The following TRARG1 variants were observed in gnomAD, a reference collection of about 807,000 sequenced individuals.
TRARG1 encodes the protein trafficking regulator of GLUT4 (SLC2A4) 1 (gene/pseudogene), also known as trafficking regulator of GLUT4 1.
In TRARG1, 16 loss-of-function variants were observed where a neutral mutation model predicts 13.3. The observed-to-expected ratio is 1.20, with a 90% CI of 0.81 to 1.83. The LOEUF is 1.83. Ranked by LOEUF, TRARG1 falls within the 40% of genes most tolerant of loss-of-function variation. The pLI, the probability that TRARG1 is intolerant of heterozygous loss-of-function variation, is 0.00. For synonymous variants in TRARG1, 113 were observed against 106.2 expected (o/e 1.06, Z -0.39); for missense variants, 250 against 237.4 (o/e 1.05, Z -0.35).
At chr17:1,292,791 C>A (rs926094310) in intron 1 of TRARG1, among the ~76,000 whole-genome samples, 2 of 152,186 alleles carry the variant, frequency 1.3e-5, no homozygotes, top group Non-Finnish European at 2.9e-5. Context: ...ATGCCACCCA[C>A]CACAGTTGCA....
chr17:1,291,449 G>A (rs998282833), intron 1 of TRARG1, among the ~76,000 whole-genome samples: 16 of 152,184 alleles, frequency 1.1e-4, no homozygotes, highest in Non-Finnish European at 1.6e-4. Context: ...GTTTTGTTCG[G>A]CACTTTTCCT....
At chr17:1,295,650 G>T (rs747473862) in intron 2 of TRARG1, 27 bp downstream of exon 2, 1 of 1,598,502 alleles carries the variant, frequency 6.3e-7, no homozygotes. Flanking sequence ...TGGAGAGGAG[G>T]AAGCCAGCTT....
chr17:1,295,057 A>G (rs965617545), intron 1 of TRARG1, among the ~76,000 whole-genome samples: 1 of 152,132 alleles, frequency 6.6e-6, no homozygotes, highest in Non-Finnish European at 1.5e-5. Flanking sequence ...GTCAGGCTGT[A>G]GGAAGAGCCC....
At chr17:1,284,463 G>A (rs1055258061) in intron 1 of TRARG1, among the ~76,000 whole-genome samples, 1 of 152,170 alleles carries the variant, frequency 6.6e-6, no homozygotes, top group African/African-American at 2.4e-5. Flanking sequence ...TGAGGCTGGC[G>A]TTCAGCAGAG....
At chr17:1,298,063 C>G (rs1271117585) in intron 2 of TRARG1, among the ~76,000 whole-genome samples, 188 bp from the exon 3 acceptor site, 1 of 152,184 alleles carries the variant, frequency 6.6e-6, no homozygotes, top group African/African-American at 2.4e-5. Context: ...AGGCCACAGT[C>G]CTCTTACTGG....
intron 2 of TRARG1, among the ~76,000 whole-genome samples, chr17:1,296,182 T>A (rs2072109219): frequency 6.6e-6 from 1 of 152,210 alleles, no homozygotes; most frequent in South Asian, 2.1e-4. Context: ...GGAAACATTT[T>A]TTATTATTTT....
intron 1 of TRARG1, among the ~76,000 whole-genome samples, chr17:1,284,976 G>A (rs1285756914): frequency 3.3e-5 from 5 of 150,306 alleles, no homozygotes; most frequent in African/African-American, 9.8e-5. Flanking sequence ...CACCACACCC[G>A]GCTGAATGCA....
intron 1 of TRARG1, among the ~76,000 whole-genome samples, chr17:1,293,194 G>A (rs1284655560): frequency 6.6e-6 from 1 of 150,458 alleles, no homozygotes; most frequent in Non-Finnish European, 1.5e-5. Flanking sequence ...TGGGGTAGGA[G>A]AGTGGCTTGA....
At chr17:1,288,414 C>T in intron 1 of TRARG1, among the ~76,000 whole-genome samples, 1 of 127,144 alleles carries the variant, frequency 7.9e-6, no homozygotes, top group Admixed American at 7.6e-5. Context: ...CCCCAACCCC[C>T]ACAGGTTCCT....
In TRARG1 at chr17:1,280,293, C is replaced by T. The variant is rs1442413012; in HGVS notation, c.292C>T (p.Gln98Ter). The T allele has an allele frequency of 6.2e-7, 1 of 1,614,064 alleles. No individual in the cohort carries two copies. The highest frequency in any genetic ancestry group is 1.1e-5 in the South Asian group (1 of 91,054). Reference protein sequence around the residue: ...SIATTSYAQDQEAPRDYLILA... With the variant: ...SIATTSYAQD ...CGCCACCACCTCCTATGCCCAAGAC[C>T]AAGAAGCCCCCAGAGATTACCTCAT... Residue 98 changes from glutamine to a stop codon, truncating the protein, a stop_gained, in exon 1 of 3, where the codon CAA (glutamine) becomes TAA (stop). Coordinates refer to ENST00000333813, the MANE Select transcript of TRARG1 (RefSeq NM_172367.3). LOFTEE classifies it high-confidence loss of function.
At chr17:1,281,061 TGA>T (rs1269899049) in intron 1 of TRARG1, among the ~76,000 whole-genome samples, 2 of 152,162 alleles carry the variant, frequency 1.3e-5, no homozygotes, top group African/African-American at 2.4e-5. Flanking sequence ...GTGAAAAATG[TGA>T]GAGTCAGAGG....
chr17:1,280,758 T>C (rs1376203374), intron 1 of TRARG1, among the ~76,000 whole-genome samples: 2 of 152,112 alleles, frequency 1.3e-5, no homozygotes, highest in Non-Finnish European at 2.9e-5. Context: ...CATCGCCAAG[T>C]GGGGCTGTCT....
intron 1 of TRARG1, among the ~76,000 whole-genome samples, chr17:1,293,062 C>T (rs1410857632): frequency 6.6e-6 from 1 of 151,996 alleles, no homozygotes; most frequent in Admixed American, 6.6e-5. Flanking sequence ...CCAATGTGGG[C>T]AGATCATGAG....
At chr17:1,291,892 G>A (rs1488690850) in intron 1 of TRARG1, among the ~76,000 whole-genome samples, 1 of 152,196 alleles carries the variant, frequency 6.6e-6, no homozygotes, top group Non-Finnish European at 1.5e-5. Flanking sequence ...CCCAGTGGTT[G>A]TGGAAGAAAA....
At chr17:1,289,839 C>G (rs2072057816) in intron 1 of TRARG1, among the ~76,000 whole-genome samples, 1 of 152,124 alleles carries the variant, frequency 6.6e-6, no homozygotes, top group Non-Finnish European at 1.5e-5. Flanking sequence ...AAATACAAGT[C>G]CAAACACTGC....
intron 1 of TRARG1, among the ~76,000 whole-genome samples, chr17:1,286,450 T>TTGTTATCGGCCTGTGGGGTGA (rs2072022921): frequency 9.9e-6 from 1 of 101,338 alleles, no homozygotes; most frequent in African/African-American, 4.0e-5. Flanking sequence ...GGCCTGTGAG[T>TTGTTATCGGCCTGTGGGGTGA]TGTTATCGGC....
chr17:1,282,248 A>AT (rs1238005034), intron 1 of TRARG1, among the ~76,000 whole-genome samples: 4 of 120,386 alleles, frequency 3.3e-5, no homozygotes, highest in African/African-American at 1.3e-4. Context: ...ATATGCACGT[A>AT]TATGTACGTA....
At chr17:1,288,254 G>A (rs1168826818) in intron 1 of TRARG1, among the ~76,000 whole-genome samples, 9 of 36,516 alleles carry the variant, frequency 2.5e-4, no homozygotes, top group East Asian at 7.5e-4. Context: ...CATCCCCCAC[G>A]GGCTCCTCAT....
chr17:1,290,042 C>G (rs1456404305), intron 1 of TRARG1, among the ~76,000 whole-genome samples: 1 of 152,208 alleles, frequency 6.6e-6, no homozygotes, highest in Non-Finnish European at 1.5e-5. Context: ...GTTCCTCCCC[C>G]ATACTCCATC....
Sources: allele counts gnomAD v4.1 joint callset (sites outside exome capture counted in the v4.1 genomes callset), GRCh38; gene constraint gnomAD v4.1.1; transcripts MANE v1.5; gene names NCBI Gene and HGNC (gene_info 2026-07-23, HGNC 2026-07-21).